The following CTNNA2 variants were observed in gnomAD, a reference collection of about 807,000 sequenced individuals.
CTNNA2 encodes the protein catenin alpha 2.
A neutral mutation model predicts 101.0 loss-of-function variants in CTNNA2; 42 were observed. That is an observed-to-expected ratio of 0.42 (90% CI 0.32 to 0.54). The LOEUF is 0.54. CTNNA2 is among the 20% of genes least tolerant of loss of function. The probability of loss-of-function intolerance (pLI) is 0.14; values close to 1 mark genes in which losing one functional copy is unlikely to be tolerated. For synonymous variants in CTNNA2, 450 were observed against 456.4 expected, an observed-to-expected ratio of 0.99 and a Z score of 0.18; for missense variants, 871 against 1,223.1, an observed-to-expected ratio of 0.71 and a Z score of 4.29.
chr2:79,594,530 T>C (rs1677066342), intron 1 of CTNNA2, among the ~76,000 whole-genome samples: 1 of 152,200 alleles, frequency 6.6e-6, no homozygotes. Flanking sequence ...GTAGGAACTT[T>C]GTAAGTATCA....
chr2:80,461,753 CTT>C (rs1211297012), intron 9 of CTNNA2, among the ~76,000 whole-genome samples: 1 of 152,146 alleles, frequency 6.6e-6, no homozygotes, highest in Non-Finnish European at 1.5e-5. Flanking sequence ...TGTGGCCACA[CTT>C]CAGCTAGATC....
chr2:80,566,759 G>T (rs1694099132), intron 12 of CTNNA2, among the ~76,000 whole-genome samples: 1 of 152,168 alleles, frequency 6.6e-6, no homozygotes, highest in African/African-American at 2.4e-5. Flanking sequence ...AAGAGTCAGG[G>T]AATGGTACAT....
chr2:79,897,651 A>T (rs1684807588), intron 6 of CTNNA2, among the ~76,000 whole-genome samples: 1 of 152,208 alleles, frequency 6.6e-6, no homozygotes, highest in Non-Finnish European at 1.5e-5. Flanking sequence ...TTACAACTAG[A>T]AGGAATTGGA....
intron 3 of CTNNA2, among the ~76,000 whole-genome samples, chr2:79,789,747 A>T (rs750616965): frequency 6.6e-6 from 1 of 152,074 alleles, no homozygotes; most frequent in East Asian, 1.9e-4. Flanking sequence ...ATTGGGAAGT[A>T]GAGGATGGTG....
At chr2:79,717,889 T>C (rs1336381031) in intron 2 of CTNNA2, among the ~76,000 whole-genome samples, 1 of 152,130 alleles carries the variant, frequency 6.6e-6, no homozygotes, top group Admixed American at 6.5e-5. Context: ...CTCTGTAATA[T>C]GTGCCACTGG....
chr2:80,373,189 G>A (rs1675614921), intron 7 of CTNNA2, among the ~76,000 whole-genome samples: 1 of 151,908 alleles, frequency 6.6e-6, no homozygotes, highest in African/African-American at 2.4e-5. Flanking sequence ...AACAAATCAG[G>A]ACCTGATCAT....
chr2:80,098,713 C>A lies in CTNNA2; in HGVS notation c.1056+188916C>A, dbSNP rs1415544419. On this transcript the variant is annotated intron_variant, in intron 7 of 18. Transcript: ENST00000402739. The stretch of plus-strand genomic sequence containing the variant: ...CTCAAGCCTCGGAAATGGCAGGCGC[C>A]CCTCCCCCAGCCTCGCTGCTGCCTT... 2.0e-5 allele frequency among the ~76,000 whole-genome samples: 3 copies of A among 152,136 alleles called. No homozygotes were observed. In the East Asian group the frequency reaches 5.8e-4, roughly 29 times the overall value.
At chr2:79,706,279 C>T (rs1009303734) in intron 2 of CTNNA2, among the ~76,000 whole-genome samples, 3 of 144,900 alleles carry the variant, frequency 2.1e-5, no homozygotes, top group African/African-American at 5.1e-5. Flanking sequence ...GGGACAATGG[C>T]GTGAACCCGG....
rs79578715 is a variant in CTNNA2 at position 80,022,911 on chromosome 2, G to C, written c.1056+113114G>C. 2.7e-3 allele frequency among the ~76,000 whole-genome samples: 413 copies of C among 152,276 alleles called. 2 individuals carry two copies. Among genetic ancestry groups the C allele is most frequent in the African/African-American group, 9.1e-3 (379 of 41,562 alleles). ...GGGCCATCATTCAGATCTGGGGTCC[G>C]TTGGGAGCTTTACCAAGCCTAAGAT... On this transcript the variant is annotated intron_variant, in intron 7 of 18. Transcript: ENST00000402739.
chr2:79,956,648 C>T (rs1689241521), intron 7 of CTNNA2, among the ~76,000 whole-genome samples: 1 of 152,120 alleles, frequency 6.6e-6, no homozygotes, highest in African/African-American at 2.4e-5. Flanking sequence ...TTTTTCTGAA[C>T]TATCAAAGGT....
At chr2:79,813,969 T>C (rs1677250690) in intron 3 of CTNNA2, among the ~76,000 whole-genome samples, 1 of 152,136 alleles carries the variant, frequency 6.6e-6, no homozygotes, top group Admixed American at 6.6e-5. Context: ...TCTTGGCTCC[T>C]TGTGGTGGCT....
chr2:80,140,917 G>A (rs1702968100), intron 7 of CTNNA2, among the ~76,000 whole-genome samples: 1 of 152,124 alleles, frequency 6.6e-6, no homozygotes, highest in Admixed American at 6.5e-5. Flanking sequence ...AGGCACAAAT[G>A]TGTCTGCAAA....
At chr2:79,404,339 A>G (rs944237465) in intron 4 of CTNNA2, among the ~76,000 whole-genome samples, 4 of 151,868 alleles carry the variant, frequency 2.6e-5, no homozygotes, top group South Asian at 2.1e-4. Flanking sequence ...TCCCTCCCCA[A>G]TCAAGTGAAT....
intron 7 of CTNNA2, among the ~76,000 whole-genome samples, chr2:79,951,606 A>C (rs1688884637): frequency 6.6e-6 from 1 of 152,184 alleles, no homozygotes; most frequent in South Asian, 2.1e-4. Context: ...CAGAGGTTGC[A>C]GTGAGCCGAG....
intron 1 of CTNNA2, among the ~76,000 whole-genome samples, chr2:79,567,542 T>C (rs749795481): frequency 7.6e-4 from 116 of 152,208 alleles, no homozygotes; most frequent in Middle Eastern, 3.4e-3. Flanking sequence ...TGCCCAAATA[T>C]GTAAGGGCCA....
intron 7 of CTNNA2, among the ~76,000 whole-genome samples, chr2:79,994,894 G>C (rs1483900012): frequency 6.6e-6 from 1 of 152,110 alleles, no homozygotes. Context: ...GAGAACCAAG[G>C]CTGTACCAGG....
intron 2 of CTNNA2, among the ~76,000 whole-genome samples, chr2:79,249,449 C>T (rs558395648): frequency 6.6e-6 from 1 of 152,302 alleles, no homozygotes; most frequent in South Asian, 2.1e-4. Context: ...AAATTATATA[C>T]TCTAATGACT....
intron 2 of CTNNA2, among the ~76,000 whole-genome samples, chr2:79,251,630 T>A (rs1674771935): frequency 6.6e-6 from 1 of 152,120 alleles, no homozygotes; most frequent in South Asian, 2.1e-4. Flanking sequence ...TTGTGATCAA[T>A]CTTATTCAGA....
At chr2:80,181,311 G>A (rs1705761526) in intron 7 of CTNNA2, among the ~76,000 whole-genome samples, 1 of 152,156 alleles carries the variant, frequency 6.6e-6, no homozygotes, top group African/African-American at 2.4e-5. Context: ...GGAAGGAGAT[G>A]TTGCCACCAC....
Sources: gnomAD v4.1 joint callset for allele counts (sites outside exome capture counted in the v4.1 genomes callset) on GRCh38, gnomAD v4.1.1 for gene constraint, MANE v1.5 for transcripts, NCBI Gene and HGNC (gene_info 2026-07-23, HGNC 2026-07-21) for gene names.